The following E4F1 variants were observed in gnomAD, a reference collection of about 807,000 sequenced individuals.
E4F1 encodes transcription factor E4F1.
A neutral mutation model predicts 72.9 loss-of-function variants in E4F1; 30 were observed. The ratio of observed to expected loss-of-function variants is 0.41; its 90% CI spans 0.31 to 0.56. E4F1 has a LOEUF of 0.56. Ranked by LOEUF, E4F1 falls within the 20% of genes least tolerant of loss-of-function variation. The pLI is 0.25. For synonymous variants in E4F1, 542 were observed against 478.2 expected (o/e 1.13, Z -1.74); for missense variants, 1,091 against 1,117.5 (o/e 0.98, Z 0.34).
intron 3 of E4F1, chr16:2,231,754 G>A: frequency 5.6e-6 from 1 of 178,094 alleles, no homozygotes; most frequent in Non-Finnish European, 1.2e-5. Flanking sequence ...TGGAAGAGTG[G>A]CCCCGGACGC....
At chr16:2,226,751 G>A (rs1241521808) in intron 1 of E4F1, among the ~76,000 whole-genome samples, 1 of 152,234 alleles carries the variant, frequency 6.6e-6, no homozygotes, top group East Asian at 1.9e-4. Flanking sequence ...TCCACAGGGT[G>A]CTGGCAAGAT....
Position 2,233,552 on chromosome 16 carries a change from G to A in E4F1, c.1171G>A (p.Ala391Thr), listed in dbSNP as rs754551029. 4 of 1,515,424 alleles carry A rather than the reference G, an allele frequency of 2.6e-6. No homozygotes were observed. Among genetic ancestry groups the A allele is most frequent in the Non-Finnish European group, 3.5e-6 (4 of 1,131,006 alleles). 93.9% of individuals were successfully genotyped at this position (1,515,424 alleles called of 1,614,324 possible). A position where few individuals can be genotyped will look rare whatever the true frequency, so the allele number is the denominator to read the frequency against. Reference protein sequence around the residue: ...VLERAAGEEGALEPAPAAGSS... With the variant: ...VLERAAGEEGTLEPAPAAGSS... Reference sequence around the variant, plus strand: ...TGAGCGCGCTGCTGGGGAGGAGGGTGCCCTGGAGCCAGCTCCTGCTGCCGG... The same window carrying A: ...TGAGCGCGCTGCTGGGGAGGAGGGTACCCTGGAGCCAGCTCCTGCTGCCGG... The change falls in exon 8 of 14, where the codon GCC becomes ACC. Residue 391 changes from alanine to threonine, a missense_variant. By Grantham distance (58) the Ala-to-Thr change is moderately conservative. Around this residue, in one of 5 missense-constraint regions of E4F1, gnomAD observed 622 missense variants for 628.0 expected, o/e 0.99. Transcript: ENST00000301727.
At chr16:2,233,754 A>C in intron 8 of E4F1, 107 bp downstream of exon 8, 1 of 1,437,358 alleles carries the variant, frequency 7.0e-7, no homozygotes, top group South Asian at 1.3e-5. Flanking sequence ...GACTTTGTCC[A>C]TTGATCTGTT....
At position 2,234,394 on chromosome 16, in the gene E4F1, T is replaced by C. The variant is rs2093489425; in HGVS notation, c.1593+6T>C. 1 of 1,612,510 alleles carries C rather than the reference T, an allele frequency of 6.2e-7. No homozygotes were observed. ...GCAAGCGCTACAAGACTAAGGTGGG[T>C]CTCTGGCCGCAGGACCCTGGCGCCT... On this transcript the variant is annotated splice_donor_region_variant and intron_variant, in intron 10 of 13. Transcript: ENST00000301727.
rs764338337 is a variant in E4F1, at chr16:2,228,398, C to T, written c.184C>T (p.Arg62Cys). Reference protein sequence around the residue: ...EDEDDVHRCGRCQAEFTALED... With the variant: ...EDEDDVHRCGCCQAEFTALED... ...TGAGGACGATGTGCACAGATGCGGC[C>T]GCTGCCAGGCAGAGTTCACCGCCTT... is the stretch of plus-strand genomic sequence containing the variant. The change falls in exon 2 of 14, where the codon CGC becomes TGC. Residue 62 changes from arginine (R) to cysteine (C), a missense_variant. Transcript: ENST00000301727. 33 of 1,613,676 alleles carry T rather than the reference C, an allele frequency of 2.0e-5. No individual in the cohort carries two copies. Among genetic ancestry groups the T allele is most frequent in the Non-Finnish European group, 2.6e-5 (31 of 1,180,038 alleles).
rs781685270 is a variant in E4F1 at position 2,223,709 on chromosome 16, G to C, written c.96G>C (p.Ala32=). The change falls in exon 1 of 14, where the codon GCG becomes GCC. Residue 32 remains alanine, a synonymous_variant. Coordinates refer to ENST00000301727, the MANE Select transcript of E4F1 (RefSeq NM_004424.5). ...AAGCGGGCGAGGGTGCAGTTGCGGC[G>C]GTGGCGGCGGCCTTGGCCCCCAGCG... The part of the protein sequence containing the change: ...GREAGEGAVA[A]VAAALAPSGF... 6.9e-5 allele frequency: 108 copies of C among 1,561,030 alleles called. No homozygotes were observed. The highest frequency in any genetic ancestry group is 1.9e-4 in the Middle Eastern group (1 of 5,262).
rs1280408287 is a variant in E4F1 at position 2,228,451 on chromosome 16, G to A, written c.237G>A (p.Gln79=). 1 of 1,613,428 alleles carries A rather than the reference G, an allele frequency of 6.2e-7. No homozygotes were observed. Among genetic ancestry groups the A allele is most frequent in the Non-Finnish European group, 8.5e-7 (1 of 1,180,024 alleles). The part of the protein sequence containing the change: ...ALEDFVQHKI[Q]KACQRAPPEA... The stretch of plus-strand genomic sequence containing the variant: ...AGGATTTTGTTCAGCACAAGATTCA[G>A]AAGGCCTGCCAGCGGGCCCCTCCGG... The change falls in exon 2 of 14, where the codon CAG becomes CAA. Residue 79 remains glutamine, a synonymous_variant. Coordinates refer to ENST00000301727, the MANE Select transcript of E4F1 (RefSeq NM_004424.5).
rs2093456298 is a variant in E4F1 at position 2,229,846 on chromosome 16, T to C, written c.415+171T>C. The C allele has an allele frequency of 1.5e-5, 10 of 664,094 alleles. No individual in the cohort carries two copies. The Admixed American group carries it at 1.8e-4, about 12-fold the overall frequency. The allele number at this position is 664,094 out of a possible 1,614,324, so 41.1% of individuals were successfully genotyped here. A position where few individuals can be genotyped will look rare whatever the true frequency, so the allele number is the denominator to read the frequency against. On this transcript the variant is annotated intron_variant, in intron 3 of 13. Transcript: ENST00000301727. ...GCACAGCCTGCAGGAGGAGGAAGCG[T>C]TGGGCACTGGGCCTTCCTCAGGTGT...
In E4F1 at chr16:2,233,434, G is replaced by A. The variant is rs1329075141; in HGVS notation, c.1057-4G>A. ...CCAGCCTCCTCTCTCTGCCTCCCCT[G>A]CAGCCCCCCGTCTCCCAGGAGCTCC... On this transcript the variant is annotated splice_region_variant and splice_polypyrimidine_tract_variant and intron_variant, in intron 7 of 13. Transcript: ENST00000301727. 3 of 1,509,996 alleles carry A rather than the reference G, an allele frequency of 2.0e-6. No homozygotes were observed. Among genetic ancestry groups the A allele is most frequent in the Admixed American group, 2.2e-5 (1 of 46,014 alleles). The allele number at this position is 1,509,996 out of a possible 1,614,324, so 93.5% of individuals were successfully genotyped here.
rs1596774675 is a variant in E4F1, at chr16:2,235,261, G to T, written c.2044G>T (p.Ala682Ser). The T allele has an allele frequency of 3.7e-6, 6 of 1,611,052 alleles. No individual in the cohort carries two copies. The highest frequency in any genetic ancestry group is 5.1e-6 in the Non-Finnish European group (6 of 1,179,822). Residue 682 changes from alanine (A) to serine (S), a missense_variant, in exon 14 of 14, where the codon GCT (alanine) becomes TCT (serine). Coordinates refer to ENST00000301727, the MANE Select transcript of E4F1 (RefSeq NM_004424.5). ...GGTGGTGCAGCAGATCGTGCACCAG[G>T]CTAGCGCCGGCCACCAGATCATCGT... ...MKVVQQIVHQ[A>S]SAGHQIIVQN...
chr16:2,234,834 G>T, intron 11 of E4F1, 25 bp from the exon 12 acceptor site: 4 of 1,547,590 alleles, frequency 2.6e-6, no homozygotes, highest in Non-Finnish European at 3.5e-6. Flanking sequence ...GGCTTGCCTA[G>T]CCCTGACCGA....
Position 2,232,992 on chromosome 16 carries a change from C to G in E4F1, c.884-19C>G, listed in dbSNP as rs2093477895. The G allele has an allele frequency of 6.2e-7, 1 of 1,608,942 alleles. No homozygotes were observed. The highest frequency in any genetic ancestry group is 8.5e-7 in the Non-Finnish European group (1 of 1,176,644). ...CTGGGGTGTGTGAGGGATCTTCACT[C>G]CCTCACTCCACCTTGAAGGTTCTGG... On this transcript the variant is annotated intron_variant, in intron 6 of 13. Coordinates refer to ENST00000301727, the MANE Select transcript of E4F1 (RefSeq NM_004424.5).
At position 2,233,787 on chromosome 16, in the gene E4F1, A is replaced by G. The variant is rs539424232; in HGVS notation, c.1267-95A>G. 121 of 1,424,456 alleles carry G rather than the reference A, an allele frequency of 8.5e-5. No individual in the cohort carries two copies. The African/African-American group carries it at 1.7e-3, about 19-fold the overall frequency. 88.2% of individuals were successfully genotyped at this position (1,424,456 alleles called of 1,614,324 possible). A position where few individuals can be genotyped will look rare whatever the true frequency, so the allele number is the denominator to read the frequency against. On this transcript the variant is annotated intron_variant, in intron 8 of 13. Transcript: ENST00000301727. ...GTTTACTGCCTTCCCTGGGGCCACAAGGGAGCCTGCCAGGGTGGGGCCCAT... is the reference window on the plus strand; with the variant it reads ...GTTTACTGCCTTCCCTGGGGCCACAGGGGAGCCTGCCAGGGTGGGGCCCAT...
Position 2,228,326 on chromosome 16 carries a change from C to T in E4F1, c.158-46C>T, listed in dbSNP as rs759640164. ...AAAAGCCAGACGGAGCCCTGGCTGC[C>T]CAGCCTCCGCCTTCCCAGGCCCTGC... On this transcript the variant is annotated intron_variant, in intron 1 of 13. Coordinates refer to ENST00000301727, the MANE Select transcript of E4F1 (RefSeq NM_004424.5). The T allele has an allele frequency of 4.3e-6, 7 of 1,611,420 alleles. No homozygotes were observed. In the Admixed American group the frequency reaches 5.0e-5, roughly 12 times the overall value.
chr16:2,233,393 A>G, intron 7 of E4F1, 45 bp from the exon 8 acceptor site: 1 of 1,485,870 alleles, frequency 6.7e-7, no homozygotes, highest in South Asian at 1.4e-5. Context: ...TGGGTGCTGG[A>G]TGCCAGGCTG....
chr16:2,224,776 C>A (rs1395580022), intron 1 of E4F1, among the ~76,000 whole-genome samples: 2 of 150,120 alleles, frequency 1.3e-5, no homozygotes, highest in Admixed American at 6.6e-5. Flanking sequence ...GAGCCGGACT[C>A]CGTCTCAAAA....
At chr16:2,230,948 C>T (rs2093463783) in intron 3 of E4F1, 1 of 152,364 alleles carries the variant, frequency 6.6e-6, no homozygotes, top group East Asian at 1.9e-4. Flanking sequence ...CACCTAAACT[C>T]TAGCAGCCTC....
chr16:2,228,751 A>C (rs2093447890), intron 2 of E4F1, among the ~76,000 whole-genome samples: 1 of 152,184 alleles, frequency 6.6e-6, no homozygotes, highest in Admixed American at 6.5e-5. Flanking sequence ...CTCTGGTCGA[A>C]GCCCGTGCTG....
chr16:2,235,337 C>T lies in E4F1; in HGVS notation c.2120C>T (p.Ala707Val). 6.2e-7 allele frequency: 1 copy of T among 1,609,956 alleles called. No individual in the cohort carries two copies. Among genetic ancestry groups the T allele is most frequent in the South Asian group, 1.1e-5 (1 of 91,084 alleles). ...EETALGPEAA[A>V]ADTITIATPE... ...ACGGCGCTGGGCCCAGAGGCGGCTG[C>T]CGCCGACACCATCACCATCGCCACC... Residue 707 changes from alanine to valine, a missense_variant, in exon 14 of 14, where the codon GCC becomes GTC. This residue lies in a region of E4F1 where 622 missense variants were observed against 628.0 expected (regional missense o/e 0.99). Transcript: ENST00000301727.
Sources: gnomAD v4.1 joint callset for allele counts (sites outside exome capture counted in the v4.1 genomes callset) on GRCh38, gnomAD v4.1.1 for gene constraint, gnomAD v4.1.1 regional missense constraint, MANE v1.5 for transcripts, NCBI Gene and HGNC (gene_info 2026-07-23, HGNC 2026-07-21) for gene names.